DTD1: variants seen among roughly 807,000 people sequenced by gnomAD.
DTD1 encodes D-tyrosyl-tRNA deacylase 1 homolog.
In DTD1, 13 loss-of-function variants were observed where a neutral mutation model predicts 25.6. That is an observed-to-expected ratio of 0.51 (90% CI 0.33 to 0.81). The LOEUF (loss-of-function observed/expected upper bound fraction) is 0.81. DTD1 is among the 30% of genes least tolerant of loss of function. The pLI is 0.02. For missense variants in DTD1, 193 were observed against 266.4 expected (o/e 0.72, Z 1.92); for synonymous variants, 110 against 103.6 (o/e 1.06, Z -0.37).
intron 3 of DTD1, among the ~76,000 whole-genome samples, chr20:18,616,259 T>C (rs930635849): frequency 1.3e-5 from 2 of 152,222 alleles, no homozygotes; most frequent in South Asian, 4.1e-4. Context: ...TTCATTAATT[T>C]GCTTACTGAC....
intron 3 of DTD1, among the ~76,000 whole-genome samples, chr20:18,626,087 G>A (rs1004258180): frequency 1.5e-4 from 23 of 152,108 alleles, no homozygotes; most frequent in African/African-American, 5.1e-4. Flanking sequence ...TGCAATTTGC[G>A]CATATACTAC....
intron 3 of DTD1, among the ~76,000 whole-genome samples, chr20:18,601,544 G>A (rs1319721047): frequency 2.0e-5 from 3 of 150,320 alleles, no homozygotes; most frequent in African/African-American, 4.9e-5. Flanking sequence ...TTTGAAGAGA[G>A]CAGTGGGTCT....
rs776160314 is a variant in DTD1 at position 18,628,253 on chromosome 20, C to T, written c.477+20C>T. On this transcript the variant is annotated intron_variant, in intron 4 of 5. Transcript: ENST00000377452. ...AAGCAGGTAAGCCTGGAGTCTGGTG[C>T]CTGGCTCCGTCCCTTGGGTGCCTGT... is the stretch of plus-strand genomic sequence containing the variant. 3.7e-6 allele frequency: 6 copies of T among 1,602,970 alleles called. No homozygotes were observed. The South Asian group carries it at 6.6e-5, about 18-fold the overall frequency.
intron 4 of DTD1, among the ~76,000 whole-genome samples, chr20:18,711,145 C>G (rs1463862115): frequency 6.6e-6 from 1 of 152,164 alleles, no homozygotes; most frequent in Non-Finnish European, 1.5e-5. Context: ...ATTCTCAGCC[C>G]TGTGTGAGCG....
intron 3 of DTD1, among the ~76,000 whole-genome samples, chr20:18,614,061 C>T (rs904426451): frequency 1.3e-5 from 2 of 152,200 alleles, no homozygotes; most frequent in African/African-American, 4.8e-5. Context: ...CCGCCTTGGC[C>T]TCCCAAAGTG....
At chr20:18,716,546 G>T (rs2122486228) in intron 4 of DTD1, among the ~76,000 whole-genome samples, 1 of 152,308 alleles carries the variant, frequency 6.6e-6, no homozygotes, top group East Asian at 1.9e-4. Context: ...GGCACTTAGG[G>T]CTTTATTTTT....
In DTD1 at chr20:18,601,074, C is replaced by T. The variant is rs549331125; in HGVS notation, c.370+4833C>T. 1.6e-4 allele frequency among the ~76,000 whole-genome samples: 25 copies of T among 152,130 alleles called. No individual in the cohort carries two copies. The South Asian group carries it at 2.3e-3, about 14-fold the overall frequency. ...ATTTCATTAGCTAGGACTTCCAGTC[C>T]GGTGTTGGAAAGAGTGGTGAGTGGG... On this transcript the variant is annotated intron_variant, in intron 3 of 5. Transcript: ENST00000377452.
intron 4 of DTD1, among the ~76,000 whole-genome samples, chr20:18,736,923 C>G (rs1293435921): frequency 6.6e-6 from 1 of 152,110 alleles, no homozygotes; most frequent in Non-Finnish European, 1.5e-5. Flanking sequence ...GCCACACGAG[C>G]CACATCACTG....
At chr20:18,657,725 T>C (rs1273275997) in intron 4 of DTD1, among the ~76,000 whole-genome samples, 4 of 152,172 alleles carry the variant, frequency 2.6e-5, no homozygotes, top group Admixed American at 2.6e-4. Context: ...CAATAACATA[T>C]AGTATCTCAT....
intron 4 of DTD1, chr20:18,630,769 T>C (rs547878825): frequency 6.6e-6 from 1 of 152,364 alleles, no homozygotes; most frequent in African/African-American, 2.4e-5. Context: ...TCTGTGACAG[T>C]TCCTCAGCCT....
intron 4 of DTD1, among the ~76,000 whole-genome samples, chr20:18,663,074 C>A (rs1002308361): frequency 6.6e-6 from 1 of 152,072 alleles, no homozygotes; most frequent in African/African-American, 2.4e-5. Context: ...GGTATCCTAC[C>A]CAGGTCAGAA....
chr20:18,705,769 A>T (rs2122466903), intron 4 of DTD1, among the ~76,000 whole-genome samples: 1 of 152,298 alleles, frequency 6.6e-6, no homozygotes, highest in East Asian at 1.9e-4. Flanking sequence ...AAAATGCCAA[A>T]GGTTGGAAAC....
rs1477471529 is a variant in DTD1, at chr20:18,644,710, A to G, written c.477+16477A>G. 2.6e-5 allele frequency among the ~76,000 whole-genome samples: 4 copies of G among 152,342 alleles called. No individual in the cohort carries two copies. The East Asian group carries it at 7.7e-4, about 29-fold the overall frequency. ...TGGCATCAGGTGAGATGAGACATCC[A>G]TTCAGGAATTCATTCCAAGTCTATT... On this transcript the variant is annotated intron_variant, in intron 4 of 5. Coordinates refer to ENST00000377452, the MANE Select transcript of DTD1 (RefSeq NM_080820.6).
intron 3 of DTD1, among the ~76,000 whole-genome samples, chr20:18,605,019 A>T (rs1269313883): frequency 2.6e-5 from 1 of 38,242 alleles, no homozygotes; most frequent in Non-Finnish European, 8.0e-5. Flanking sequence ...TTGTATATCT[A>T]GAAAACCCCA....
intron 4 of DTD1, among the ~76,000 whole-genome samples, chr20:18,656,023 A>G (rs2060890493): frequency 6.6e-6 from 1 of 152,128 alleles, no homozygotes; most frequent in South Asian, 2.1e-4. Context: ...CACCTGTCTC[A>G]GCCTTCCAAA....
intron 4 of DTD1, among the ~76,000 whole-genome samples, chr20:18,630,048 A>G (rs1026409647): frequency 1.1e-4 from 16 of 152,034 alleles, no homozygotes; most frequent in Non-Finnish European, 2.9e-5. Context: ...CTCTTTTTGT[A>G]TTGAGGAACA....
At chr20:18,669,926 C>T (rs2060945722) in intron 4 of DTD1, among the ~76,000 whole-genome samples, 1 of 152,180 alleles carries the variant, frequency 6.6e-6, no homozygotes, top group African/African-American at 2.4e-5. Context: ...GTCTGTATCT[C>T]CATTCCTGTC....
intron 5 of DTD1, among the ~76,000 whole-genome samples, chr20:18,745,469 C>T (rs150201984): frequency 3.7e-4 from 56 of 152,252 alleles, no homozygotes; most frequent in Admixed American, 3.3e-3. Context: ...TACTACAGCA[C>T]GGTGCGTGTG....
intron 4 of DTD1, among the ~76,000 whole-genome samples, chr20:18,638,301 CT>C (rs771121365): frequency 6.6e-6 from 1 of 152,130 alleles, no homozygotes; most frequent in Non-Finnish European, 1.5e-5. Flanking sequence ...TGTGCTGGCC[CT>C]GCATGTAGGT....
Sources: gnomAD v4.1 joint callset for allele counts (sites outside exome capture counted in the v4.1 genomes callset) on GRCh38, gnomAD v4.1.1 for gene constraint, MANE v1.5 for transcripts, NCBI Gene and HGNC (gene_info 2026-07-23, HGNC 2026-07-21) for gene names.